The following LMTK3 variants were observed in gnomAD, a reference collection of about 807,000 sequenced individuals.
LMTK3 encodes the protein lemur tail kinase 3, also known as serine/threonine-protein kinase LMTK3.
LMTK3 carries 27 observed loss-of-function variants against 116.7 expected under a neutral mutation model. The observed-to-expected ratio is 0.23, with a 90% CI of 0.17 to 0.32. The LOEUF is 0.32. Ranked by LOEUF, LMTK3 falls within the 10% of genes least tolerant of loss-of-function variation. The pLI, the probability that LMTK3 is intolerant of heterozygous loss-of-function variation, is 1.00. For synonymous variants in LMTK3, 965 were observed against 971.0 expected, an observed-to-expected ratio of 0.99 and a Z score of 0.11; for missense variants, 1,764 against 2,068.5, an observed-to-expected ratio of 0.85 and a Z score of 2.86.
intron 12 of LMTK3, 101 bp downstream of exon 12, chr19:48,493,593 G>A (rs1972266532): frequency 1.9e-6 from 2 of 1,045,820 alleles, no homozygotes; most frequent in Non-Finnish European, 2.4e-6. Flanking sequence ...TCCAGGCCCC[G>A]CCCAACTCTA....
In LMTK3 at chr19:48,499,047, G is replaced by A. The variant is rs993085081; in HGVS notation, c.2022C>T (p.Arg674=). 15 of 1,502,666 alleles carry A rather than the reference G, an allele frequency of 1.0e-5. No homozygotes were observed. The highest frequency in any genetic ancestry group is 2.8e-5 in the African/African-American group (2 of 70,646). The allele number at this position is 1,502,666 out of a possible 1,614,324, so 93.1% of individuals were successfully genotyped here. A position where few individuals can be genotyped will look rare whatever the true frequency, so the allele number is the denominator to read the frequency against. Residue 674 remains arginine (R), a synonymous_variant, in exon 11 of 15, where the codon CGC becomes CGT. Coordinates refer to ENST00000600059, the MANE Select transcript of LMTK3 (RefSeq NM_001388485.1). The part of the protein sequence containing the change: ...RGPLPCPLCS[R]EGACSCLPLE... ...GTGGCAGGCAGGAGCAGGCCCCCTC[G>A]CGGCTGCACAGGGGACAGGGTAGGG...
chr19:48,504,183 C>T (rs1443218838), intron 5 of LMTK3, among the ~76,000 whole-genome samples: 1 of 152,284 alleles, frequency 6.6e-6, no homozygotes, highest in Middle Eastern at 3.4e-3. Flanking sequence ...CTACGGTTCT[C>T]TCTCTGCAGA....
intron 5 of LMTK3, among the ~76,000 whole-genome samples, chr19:48,504,222 G>A (rs1972524724): frequency 6.6e-6 from 1 of 152,080 alleles, no homozygotes; most frequent in African/African-American, 2.4e-5. Context: ...AGTTCTCTTG[G>A]CCCCTCCGGG....
rs770612133 is a variant in LMTK3 at position 48,501,092 on chromosome 19, C to A, written c.1055G>T (p.Arg352Leu). 1.3e-6 allele frequency: 2 copies of A among 1,591,626 alleles called. No homozygotes were observed. The highest frequency in any genetic ancestry group is 1.7e-4 in the Middle Eastern group (1 of 6,010). The change falls in exon 10 of 15, where the codon CGC becomes CTC. Residue 352 changes from arginine to leucine, a missense_variant. Physicochemically the swap from Arg to Leu is moderately radical, Grantham distance 102. Transcript: ENST00000600059. ...GAGGACCTCCTCGTCTGACAGGTGGCGGTAGGGCTGGGCCCCAAACTCAAA... is the reference window on the plus strand; with the variant it reads ...GAGGACCTCCTCGTCTGACAGGTGGAGGTAGGGCTGGGCCCCAAACTCAAA... ...ELFEFGAQPYRHLSDEEVLAF... is the reference protein window; with the variant it reads ...ELFEFGAQPYLHLSDEEVLAF...
intron 14 of LMTK3, among the ~76,000 whole-genome samples, chr19:48,489,316 C>A (rs1313491623): frequency 1.3e-5 from 2 of 152,266 alleles, no homozygotes; most frequent in East Asian, 3.9e-4. Context: ...GTGGCTCATG[C>A]CTGTAATCCC....
chr19:48,496,894 C>T (rs562892359), intron 11 of LMTK3, among the ~76,000 whole-genome samples: 6 of 152,228 alleles, frequency 3.9e-5, no homozygotes, highest in Non-Finnish European at 8.8e-5. Flanking sequence ...GTAGCAGATT[C>T]GCCAACACCA....
Position 48,502,532 on chromosome 19 carries a change from G to A in LMTK3, c.695C>T (p.Ser232Phe), listed in dbSNP as rs369031433. The A allele has an allele frequency of 6.3e-7, 1 of 1,598,124 alleles. No homozygotes were observed. The highest frequency in any genetic ancestry group is 8.5e-7 in the Non-Finnish European group (1 of 1,173,342). ...CAGGTCTCGAGGGGGTAGCTCAGGGGACAGGCCCTCGGGGGGCCGCTGGGC... is the reference window on the plus strand; with the variant it reads ...CAGGTCTCGAGGGGGTAGCTCAGGGAACAGGCCCTCGGGGGGCCGCTGGGC... Reference protein sequence around the residue: ...LRAQRPPEGLSPELPPRDLRT... With the variant: ...LRAQRPPEGLFPELPPRDLRT... Residue 232 changes from serine to phenylalanine, a missense_variant, in exon 7 of 15, where the codon TCC (serine) becomes TTC (phenylalanine). Ser to Phe is a radical substitution (Grantham distance 155, BLOSUM62 -2). Transcript: ENST00000600059.
chr19:48,510,726 CAG>C, intron 1 of LMTK3, 134 bp from the exon 2 acceptor site: 1 of 1,048,284 alleles, frequency 9.5e-7, no homozygotes, highest in Non-Finnish European at 1.3e-6. Context: ...GGCAGAGGTG[CAG>C]AGTGGCCCAA....
At chr19:48,493,665 C>T (rs753558799) in intron 12 of LMTK3, 29 bp downstream of exon 12, 25 of 1,546,878 alleles carry the variant, frequency 1.6e-5, no homozygotes, top group Admixed American at 5.8e-5. Flanking sequence ...GGCCGCGACC[C>T]CGAAACCGCG....
chr19:48,502,305 TC>T, intron 7 of LMTK3, 127 bp downstream of exon 7: 1 of 1,131,954 alleles, frequency 8.8e-7, no homozygotes, highest in Non-Finnish European at 1.2e-6. Flanking sequence ...CTCCATACCC[TC>T]CTCGGTTCGT....
At chr19:48,501,726 C>G (rs1348727069) in intron 7 of LMTK3, among the ~76,000 whole-genome samples, 164 bp from the exon 8 acceptor site, 4 of 151,904 alleles carry the variant, frequency 2.6e-5, no homozygotes, top group Non-Finnish European at 5.9e-5. Flanking sequence ...TTCACTCTCC[C>G]CTGCTGTCTT....
chr19:48,500,934 A>T lies in LMTK3; in HGVS notation c.1151+62T>A, dbSNP rs1253942382. Reference sequence around the variant, plus strand: ...TGGGTGATGTGGGAAACGAGGGGGGATGCTGGGACCATCCTGGGTGGGGTG... The same window carrying T: ...TGGGTGATGTGGGAAACGAGGGGGGTTGCTGGGACCATCCTGGGTGGGGTG... On this transcript the variant is annotated intron_variant, in intron 10 of 14. Transcript: ENST00000600059. The surrounding 1 kb of genome is among the most constrained non-coding windows in gnomAD (Gnocchi z 4.0). 6.1e-5 allele frequency: 87 copies of T among 1,430,842 alleles called. No homozygotes were observed. The highest frequency in any genetic ancestry group is 7.3e-5 in the Non-Finnish European group (79 of 1,083,698). 88.6% of individuals were successfully genotyped at this position (1,430,842 alleles called of 1,614,324 possible). A position where few individuals can be genotyped will look rare whatever the true frequency, so the allele number is the denominator to read the frequency against.
At position 48,499,803 on chromosome 19, in the gene LMTK3, C is replaced by A. The variant is rs201659713; in HGVS notation, c.1266G>T (p.Pro422=). 0.035 allele frequency: 22,010 copies of A among 637,966 alleles called. 258 individuals carry two copies. Among genetic ancestry groups the A allele is most frequent in the Middle Eastern group, 0.18 (399 of 2,188 alleles). 39.5% of individuals were successfully genotyped at this position (637,966 alleles called of 1,614,324 possible). Reference sequence around the variant, plus strand: ...AGGGACCGTCTCGGGGTGGGGGTGGCGGCGGTGGGGGCCGGGGAGGCCGCT... The same window carrying A: ...AGGGACCGTCTCGGGGTGGGGGTGGAGGCGGTGGGGGCCGGGGAGGCCGCT... The part of the protein sequence containing the change: ...LSERPPRPPP[P]PPPPRDGPFP... The change falls in exon 11 of 15, where the codon CCG becomes CCT. Residue 422 remains proline, a synonymous_variant. Coordinates refer to ENST00000600059, the MANE Select transcript of LMTK3 (RefSeq NM_001388485.1).
intron 14 of LMTK3, among the ~76,000 whole-genome samples, chr19:48,487,778 C>T (rs116370982): frequency 0.012 from 1,836 of 152,250 alleles, 30 homozygotes; most frequent in African/African-American, 0.041. Context: ...CCACCCTGTA[C>T]TTTGTACCTG....
intron 1 of LMTK3, among the ~76,000 whole-genome samples, chr19:48,510,879 G>A (rs1972647067): frequency 6.6e-6 from 1 of 152,170 alleles, no homozygotes; most frequent in South Asian, 2.1e-4. Context: ...TTCCAATGAG[G>A]GTTGAAGGAA....
Position 48,485,673 on chromosome 19 carries a change from G to C in LMTK3, c.*100C>G, listed in dbSNP as rs1234680295. On this transcript the variant is annotated 3_prime_UTR_variant, in exon 15 of 15. Coordinates refer to ENST00000600059, the MANE Select transcript of LMTK3 (RefSeq NM_001388485.1). ...GGGCCCAGCCTCGGGGGCCTCCCCA[G>C]AGGCGGCGTCTGCGGTGGTGGCAGT... is the stretch of plus-strand genomic sequence containing the variant. 1 of 1,368,396 alleles carries C rather than the reference G, an allele frequency of 7.3e-7. No individual in the cohort carries two copies. Among genetic ancestry groups the C allele is most frequent in the Admixed American group, 2.0e-5 (1 of 50,786 alleles). 84.8% of individuals were successfully genotyped at this position (1,368,396 alleles called of 1,614,324 possible).
rs1285877733 is a variant in LMTK3, at chr19:48,485,490, TC to T, written c.*282del. On this transcript the variant is annotated 3_prime_UTR_variant, in exon 15 of 15. Coordinates refer to ENST00000600059, the MANE Select transcript of LMTK3 (RefSeq NM_001388485.1). ...GGCTCCAGGCCCAAAAGAGTTCAGT[TC>T]AGTTCCGAGAAAGGCGGCTCTCTAT... 4 of 450,662 alleles carry T rather than the reference TC, an allele frequency of 8.9e-6. No individual in the cohort carries two copies. The highest frequency in any genetic ancestry group is 1.6e-5 in the Non-Finnish European group (4 of 246,252). The allele number at this position is 450,662 out of a possible 1,614,324, so 27.9% of individuals were successfully genotyped here. A position where few individuals can be genotyped will look rare whatever the true frequency, so the allele number is the denominator to read the frequency against.
At position 48,491,141 on chromosome 19, in the gene LMTK3, G is replaced by T. The variant is rs1972213671; in HGVS notation, c.4333C>A (p.Pro1445Thr). The part of the protein sequence containing the change: ...SVSPALETPG[P>T]PARAPDARPA... ...CGGGCGTCGGGGGCCCGGGCGGGTG[G>T]CCCCGGGGTCTCCAGCGCAGGCGAG... Residue 1445 changes from proline to threonine, a missense_variant, in exon 14 of 15, where the codon CCA (proline) becomes ACA (threonine). Physicochemically the swap from Pro to Thr is conservative, Grantham distance 38. This residue lies in a region of LMTK3 where 281 missense variants were observed against 301.4 expected (regional missense o/e 0.93). Coordinates refer to ENST00000600059, the MANE Select transcript of LMTK3 (RefSeq NM_001388485.1). This position sits in a 1 kb window ranked among gnomAD's most constrained non-coding sequence, Gnocchi z 5.1. The T allele has an allele frequency of 7.2e-7, 1 of 1,380,332 alleles. No homozygotes were observed. 85.5% of individuals were successfully genotyped at this position (1,380,332 alleles called of 1,614,324 possible). A position where few individuals can be genotyped will look rare whatever the true frequency, so the allele number is the denominator to read the frequency against.
intron 14 of LMTK3, among the ~76,000 whole-genome samples, chr19:48,486,771 T>C (rs1475990974): frequency 6.6e-6 from 1 of 151,790 alleles, no homozygotes; most frequent in Non-Finnish European, 1.5e-5. Context: ...TCTCCCAACC[T>C]CGTGATCCAC....
Sources: gnomAD v4.1 joint callset for allele counts (sites outside exome capture counted in the v4.1 genomes callset) on GRCh38, gnomAD v4.1.1 for gene constraint, gnomAD v4.1.1 regional missense constraint, Gnocchi (gnomAD v3.1) non-coding constraint, MANE v1.5 for transcripts, NCBI Gene and HGNC (gene_info 2026-07-23, HGNC 2026-07-21) for gene names.